RIMS2: variants seen among roughly 807,000 people sequenced by gnomAD.
RIMS2 encodes the protein regulating synaptic membrane exocytosis 2.
Under a neutral mutation model 174.4 loss-of-function variants are expected in RIMS2, and 59 were observed. The observed-to-expected ratio is 0.34, with a 90% CI of 0.27 to 0.42. The LOEUF (loss-of-function observed/expected upper bound fraction) is 0.42. Ranked by LOEUF, RIMS2 falls within the 10% of genes least tolerant of loss-of-function variation. The pLI is 1.00. For synonymous variants in RIMS2, 606 were observed against 572.5 expected (o/e 1.06, Z -0.84); for missense variants, 1,620 against 1,666.3 (o/e 0.97, Z 0.48).
At chr8:104,116,179 T>C (rs572016432) in intron 19 of RIMS2, among the ~76,000 whole-genome samples, 19 of 152,190 alleles carry the variant, frequency 1.2e-4, no homozygotes, top group Non-Finnish European at 2.5e-4. Flanking sequence ...TGGTTAATAA[T>C]TTCACTGTAC....
chr8:104,146,849 A>G (rs1032443421), intron 19 of RIMS2, among the ~76,000 whole-genome samples: 9 of 152,176 alleles, frequency 5.9e-5, no homozygotes, highest in Admixed American at 1.3e-4. Flanking sequence ...GGCATGTGCC[A>G]CCATGCCTGG....
At chr8:104,105,728 C>G (rs2098036547) in intron 19 of RIMS2, among the ~76,000 whole-genome samples, 1 of 151,904 alleles carries the variant, frequency 6.6e-6, no homozygotes, top group Admixed American at 6.6e-5. Flanking sequence ...TGCCACCATG[C>G]CTGGCTAATT....
intron 19 of RIMS2, among the ~76,000 whole-genome samples, chr8:104,092,683 T>A (rs2097683969): frequency 6.6e-6 from 1 of 151,940 alleles, no homozygotes; most frequent in South Asian, 2.1e-4. Flanking sequence ...TACCTCAGGT[T>A]TGCAGACTCC....
intron 1 of RIMS2, among the ~76,000 whole-genome samples, chr8:103,583,308 A>G (rs2093720144): frequency 6.6e-6 from 1 of 152,146 alleles, no homozygotes; most frequent in South Asian, 2.1e-4. Flanking sequence ...CCTTCCAAAG[A>G]AGGACGTCTA....
chr8:104,157,535 A>G (rs2098732193), intron 19 of RIMS2, among the ~76,000 whole-genome samples: 1 of 152,224 alleles, frequency 6.6e-6, no homozygotes, highest in Non-Finnish European at 1.5e-5. Flanking sequence ...CTATGTATCC[A>G]TTAAGCAATA....
chr8:104,171,475 T>C (rs2098831836), intron 19 of RIMS2, among the ~76,000 whole-genome samples: 2 of 148,554 alleles, frequency 1.3e-5, no homozygotes, highest in South Asian at 4.4e-4. Flanking sequence ...GTCTTTTATA[T>C]CCAGAAGTTC....
At chr8:104,188,863 A>G (rs538397093) in intron 19 of RIMS2, among the ~76,000 whole-genome samples, 22 of 151,926 alleles carry the variant, frequency 1.4e-4, no homozygotes, top group African/African-American at 5.3e-4. Context: ...GTCTTTTTCT[A>G]TTCTGCAAAG....
intron 1 of RIMS2, among the ~76,000 whole-genome samples, chr8:103,610,470 T>C (rs572741794): frequency 6.6e-5 from 10 of 152,326 alleles, no homozygotes; most frequent in African/African-American, 2.4e-4. Context: ...TGTGGTTTTG[T>C]CATAGATGGT....
intron 1 of RIMS2, among the ~76,000 whole-genome samples, chr8:103,686,958 T>A (rs1213493400): frequency 6.6e-6 from 1 of 152,104 alleles, no homozygotes; most frequent in Non-Finnish European, 1.5e-5. Context: ...AGAGTAATAC[T>A]GGCATTAAGA....
chr8:103,580,444 CATGTGT>C (rs2093539580), intron 1 of RIMS2, among the ~76,000 whole-genome samples: 1 of 113,178 alleles, frequency 8.8e-6, no homozygotes, highest in Non-Finnish European at 2.0e-5. Context: ...TATATGTGTG[CATGTGT>C]GTGTGTGTGT....
chr8:103,570,412 G>T (rs1461304748), intron 1 of RIMS2, among the ~76,000 whole-genome samples: 1 of 152,082 alleles, frequency 6.6e-6, no homozygotes, highest in Non-Finnish European at 1.5e-5. Context: ...CTTTAAATGA[G>T]TTAGCTAAAC....
intron 1 of RIMS2, among the ~76,000 whole-genome samples, chr8:103,545,828 T>C (rs920862984): frequency 6.6e-6 from 1 of 152,086 alleles, no homozygotes; most frequent in Admixed American, 6.5e-5. Context: ...ACAAGTAAGG[T>C]CCTTAGGGAA....
At chr8:104,030,455 A>G (rs1295906022) in intron 19 of RIMS2, among the ~76,000 whole-genome samples, 1 of 152,244 alleles carries the variant, frequency 6.6e-6, no homozygotes, top group Non-Finnish European at 1.5e-5. Context: ...TACTATGAGA[A>G]TAAGATTAAA....
chr8:103,603,552 G>A (rs200436072), intron 1 of RIMS2, among the ~76,000 whole-genome samples: 3 of 152,072 alleles, frequency 2.0e-5, no homozygotes, highest in South Asian at 2.1e-4. Context: ...TTCTAGTTCT[G>A]GATCCCTGAT....
chr8:103,595,037 C>CA (rs975170298), intron 1 of RIMS2, among the ~76,000 whole-genome samples: 1 of 151,564 alleles, frequency 6.6e-6, no homozygotes, highest in Admixed American at 6.6e-5. Flanking sequence ...AGTAGATGAC[C>CA]ATGTCACATA....
At chr8:103,976,351 G>A (rs2093420637) in intron 16 of RIMS2, 1 of 152,128 alleles carries the variant, frequency 6.6e-6, no homozygotes, top group South Asian at 2.1e-4. Flanking sequence ...TATTGTAAGA[G>A]TTCAAAATAA....
chr8:104,095,580 T>A (rs1386162181), intron 19 of RIMS2, among the ~76,000 whole-genome samples: 1 of 152,130 alleles, frequency 6.6e-6, no homozygotes, highest in Non-Finnish European at 1.5e-5. Flanking sequence ...TTACATACAG[T>A]CAAATTAGCA....
intron 19 of RIMS2, among the ~76,000 whole-genome samples, chr8:104,045,266 TACA>T (rs149028539): frequency 0.013 from 2,002 of 151,964 alleles, 28 homozygotes; most frequent in Middle Eastern, 0.11. Flanking sequence ...TTACAGTCAC[TACA>T]ACATCTTCTA....
Position 104,087,831 on chromosome 8 carries a change from C to G in RIMS2, c.3334+73216C>G, listed in dbSNP as rs188780057. Among the ~76,000 whole-genome samples the G allele has an allele frequency of 5.3e-5, 8 of 152,168 alleles. No individual in the cohort carries two copies. In the East Asian group the frequency reaches 1.2e-3, roughly 22 times the overall value. On this transcript the variant is annotated intron_variant, in intron 19 of 23. Coordinates refer to ENST00000504942, the Ensembl canonical transcript of RIMS2. ...CAGTCTCCAGTGAAAATTTTATGTC[C>G]TAGACTCCTTTCCAGACTGAGGCAT...
Sources: gnomAD v4.1 joint callset for allele counts (sites outside exome capture counted in the v4.1 genomes callset) on GRCh38, gnomAD v4.1.1 for gene constraint, MANE v1.5 for transcripts, NCBI Gene and HGNC (gene_info 2026-07-23, HGNC 2026-07-21) for gene names.